The following STXBP5 variants were observed in gnomAD, a reference collection of about 807,000 sequenced individuals.
The protein encoded by STXBP5 is syntaxin-binding protein 5.
STXBP5 carries 50 observed loss-of-function variants against 152.4 expected under a neutral mutation model. The ratio of observed to expected loss-of-function variants is 0.33; its 90% CI spans 0.26 to 0.42. The LOEUF is 0.42. STXBP5 is among the 10% of genes least tolerant of loss of function. The probability of loss-of-function intolerance (pLI) is 1.00; values close to 1 mark genes in which losing one functional copy is unlikely to be tolerated. For synonymous variants in STXBP5, 492 were observed against 494.7 expected (o/e 0.99, Z 0.07); for missense variants, 1,167 against 1,388.6 (o/e 0.84, Z 2.54).
intron 19 of STXBP5, among the ~76,000 whole-genome samples, chr6:147,335,774 C>G (rs543524771): frequency 6.6e-6 from 1 of 151,572 alleles, no homozygotes; most frequent in Non-Finnish European, 1.5e-5. Flanking sequence ...GCACTCCAGC[C>G]TGGGCGACAG....
chr6:147,247,923 A>G (rs1778889870), intron 4 of STXBP5, among the ~76,000 whole-genome samples: 1 of 152,214 alleles, frequency 6.6e-6, no homozygotes, highest in African/African-American at 2.4e-5. Context: ...TTATATAAAA[A>G]GACATTAAAA....
At chr6:147,373,374 A>C (rs1583010711) in intron 25 of STXBP5, among the ~76,000 whole-genome samples, 1 of 151,684 alleles carries the variant, frequency 6.6e-6, no homozygotes, top group South Asian at 2.1e-4. Flanking sequence ...AAAAAAAAAA[A>C]AAAAAAAAAA....
chr6:147,278,025 C>T lies in STXBP5; in HGVS notation c.715-56C>T, dbSNP rs552955675. ...GAAAATTAATAGATGAGATCATTTA[C>T]AAATAGTTTACTGTTTAAATAGATT... On this transcript the variant is annotated intron_variant, in intron 7 of 27. Coordinates refer to ENST00000321680, the MANE Select transcript of STXBP5 (RefSeq NM_001127715.4). The T allele has an allele frequency of 2.0e-5, 29 of 1,443,596 alleles. No homozygotes were observed. The African/African-American group carries it at 3.6e-4, about 18-fold the overall frequency. The allele number at this position is 1,443,596 out of a possible 1,614,324, so 89.4% of individuals were successfully genotyped here. A position where few individuals can be genotyped will look rare whatever the true frequency, so the allele number is the denominator to read the frequency against.
At chr6:147,310,752 T>A (rs1782330826) in intron 10 of STXBP5, among the ~76,000 whole-genome samples, 2 of 152,270 alleles carry the variant, frequency 1.3e-5, no homozygotes, top group South Asian at 4.1e-4. Flanking sequence ...TCAGGAAACC[T>A]CAGTTTGTGC....
intron 7 of STXBP5, among the ~76,000 whole-genome samples, chr6:147,271,745 T>C (rs1373494278): frequency 6.6e-6 from 1 of 151,930 alleles, no homozygotes; most frequent in African/African-American, 2.4e-5. Context: ...GCAGATTAAA[T>C]CTATAGTAAG....
chr6:147,378,409 T>TA (rs34601059), intron 26 of STXBP5, among the ~76,000 whole-genome samples: 5,261 of 136,032 alleles, frequency 0.039, 251 homozygotes, highest in African/African-American at 0.12. Flanking sequence ...GATTTATCAT[T>TA]AAAAAAAAAA....
At chr6:147,258,647 A>G (rs993787883) in intron 4 of STXBP5, among the ~76,000 whole-genome samples, 1 of 152,010 alleles carries the variant, frequency 6.6e-6, no homozygotes, top group Non-Finnish European at 1.5e-5. Context: ...GTTAGCCAGG[A>G]TGGTCTCGAT....
At chr6:147,368,913 A>G (rs2128416679) in intron 25 of STXBP5, among the ~76,000 whole-genome samples, 1 of 152,060 alleles carries the variant, frequency 6.6e-6, no homozygotes, top group South Asian at 2.1e-4. Context: ...CTACACTGAA[A>G]AACTATAAAA....
intron 18 of STXBP5, 25 bp from the exon 19 acceptor site, chr6:147,334,132 T>C: frequency 7.5e-6 from 12 of 1,607,146 alleles, no homozygotes; most frequent in Non-Finnish European, 9.3e-6. Flanking sequence ...TATGGGTTGA[T>C]TTGTTTTTTG....
rs1784683232 is a variant in STXBP5, at chr6:147,353,540, A to C, written c.2305+167A>C. On this transcript the variant is annotated intron_variant, in intron 22 of 27. Transcript: ENST00000321680. ...GAATAGTCTTTAGAATGCTATCTGT[A>C]AATTTAAAATGACAATTATAATACA... 2.6e-5 allele frequency among the ~76,000 whole-genome samples: 4 copies of C among 152,176 alleles called. No homozygotes were observed. In the South Asian group the frequency reaches 8.3e-4, roughly 31 times the overall value.
At chr6:147,218,029 A>G (rs1765028) in intron 2 of STXBP5, among the ~76,000 whole-genome samples, 58,878 of 151,988 alleles carry the variant, frequency 0.39, 12,114 homozygotes, top group East Asian at 0.56. Context: ...TTCATTTTTA[A>G]TATATTTTCT....
chr6:147,383,745 T>G (rs1451419514), intron 27 of STXBP5, among the ~76,000 whole-genome samples: 1 of 152,108 alleles, frequency 6.6e-6, no homozygotes. Context: ...TTTTTATATT[T>G]GAGCACCCAA....
intron 21 of STXBP5, among the ~76,000 whole-genome samples, chr6:147,343,525 A>T (rs1330728633): frequency 6.6e-6 from 1 of 152,166 alleles, no homozygotes; most frequent in Non-Finnish European, 1.5e-5. Flanking sequence ...TGACACATCC[A>T]AAGTAATGCC....
chr6:147,234,462 G>T (rs73788842), intron 2 of STXBP5, among the ~76,000 whole-genome samples: 1 of 151,380 alleles, frequency 6.6e-6, no homozygotes, highest in Admixed American at 6.6e-5. Flanking sequence ...TTCTATTTTC[G>T]CTACTTCTAG....
rs796649789 is a variant in STXBP5, at chr6:147,249,117, A to G, written c.431+9847A>G. ...CCAGAAAGGGAGGCAGGAATGCAGC[A>G]TGGCTGAAATGTGGATTTTAGCCTG... is the stretch of plus-strand genomic sequence containing the variant. On this transcript the variant is annotated intron_variant, in intron 4 of 27. Coordinates refer to ENST00000321680, the MANE Select transcript of STXBP5 (RefSeq NM_001127715.4). Among the ~76,000 whole-genome samples the G allele has an allele frequency of 6.6e-5, 10 of 152,330 alleles. 1 individual carries two copies. Among genetic ancestry groups the G allele is most frequent in the African/African-American group, 2.4e-4 (10 of 41,578 alleles).
At chr6:147,328,607 G>T in intron 18 of STXBP5, 2 of 363,272 alleles carry the variant, frequency 5.5e-6, no homozygotes, top group Admixed American at 3.8e-5. Context: ...ATTTTGTCAT[G>T]TAATATCTTC....
intron 14 of STXBP5, 70 bp from the exon 15 acceptor site, chr6:147,315,445 G>A (rs1250668971): frequency 5.8e-6 from 6 of 1,040,670 alleles, no homozygotes; most frequent in Non-Finnish European, 8.5e-6. Context: ...CATAGTATGA[G>A]TGATTAAATG....
intron 7 of STXBP5, among the ~76,000 whole-genome samples, chr6:147,268,286 G>A (rs1474897745): frequency 1.3e-5 from 2 of 152,108 alleles, no homozygotes; most frequent in African/African-American, 2.4e-5. Context: ...ACTTCTTTCA[G>A]TGCCATGTCT....
rs777102981 is a variant in STXBP5 at position 147,313,916 on chromosome 6, G to A, written c.1178G>A (p.Ser393Asn). 1 of 1,589,594 alleles carries A rather than the reference G, an allele frequency of 6.3e-7. No homozygotes were observed. The highest frequency in any genetic ancestry group is 1.1e-5 in the South Asian group (1 of 86,958). ...YPIFENPYPLSIHESPVTCCE... is the reference protein window; with the variant it reads ...YPIFENPYPLNIHESPVTCCE... ...ATATTTGAAAATCCCTACCCTTTGA[G>A]TATACATGAGTCCCCTGTTACATGT... Residue 393 changes from serine to asparagine, a missense_variant, in exon 12 of 28, where the codon AGT becomes AAT. Ser to Asn is a conservative substitution (Grantham distance 46). Around this residue, in one of 3 missense-constraint regions of STXBP5, gnomAD observed 833 missense variants for 986.3 expected, o/e 0.84. Coordinates refer to ENST00000321680, the MANE Select transcript of STXBP5 (RefSeq NM_001127715.4).
Sources: gnomAD v4.1 joint callset for allele counts (sites outside exome capture counted in the v4.1 genomes callset) on GRCh38, gnomAD v4.1.1 for gene constraint, gnomAD v4.1.1 regional missense constraint, MANE v1.5 for transcripts, NCBI Gene and HGNC (gene_info 2026-07-23, HGNC 2026-07-21) for gene names.